RSF1: variants seen among roughly 807,000 people sequenced by gnomAD.
RSF1 encodes the protein HBV pX-associated protein 8.
A neutral mutation model predicts 145.2 loss-of-function variants in RSF1; 13 were observed. The observed-to-expected ratio is 0.09, with a 90% CI of 0.06 to 0.14. The LOEUF is 0.14. Ranked by LOEUF, RSF1 falls within the 10% of genes least tolerant of loss-of-function variation. The pLI, the probability that RSF1 is intolerant of heterozygous loss-of-function variation, is 1.00. For missense variants in RSF1, 1,517 were observed against 1,718.2 expected, an observed-to-expected ratio of 0.88 and a Z score of 2.07; for synonymous variants, 577 against 592.6, an observed-to-expected ratio of 0.97 and a Z score of 0.38.
the RSF1 span, among the ~76,000 whole-genome samples, chr11:77,840,115 C>T: frequency 0.011 from 1,732 of 152,198 alleles, 12 homozygotes; most frequent in Non-Finnish European, 0.017. Context: ...CACACACACA[C>T]ACACAACACC....
intron 5 of RSF1, among the ~76,000 whole-genome samples, chr11:77,707,493 A>C (rs1960577948): frequency 6.6e-6 from 1 of 152,234 alleles, no homozygotes; most frequent in Non-Finnish European, 1.5e-5. Context: ...AGACCATTTA[A>C]AATATAAGCT....
Position 77,740,841 on chromosome 11 carries a change from T to C in RSF1, c.468A>G (p.Arg156=). 1.2e-6 allele frequency: 2 copies of C among 1,614,110 alleles called. No individual in the cohort carries two copies. Among genetic ancestry groups the C allele is most frequent in the Non-Finnish European group, 8.5e-7 (1 of 1,179,936 alleles). ...ACCAGTACATGAGGCCATCTTTGTC[T>C]CGACCAATTGGCTGGAGACGCATAG... ...ADTMRLQPIG[R]DKDGLMYWYQ... The change falls in exon 4 of 16, where the codon CGA becomes CGG. Residue 156 remains arginine (R), a synonymous_variant. Coordinates refer to ENST00000308488, the MANE Select transcript of RSF1 (RefSeq NM_016578.4).
At chr11:77,847,461 C>T in the RSF1 span, among the ~76,000 whole-genome samples, 2 of 152,158 alleles carry the variant, frequency 1.3e-5, no homozygotes, top group East Asian at 1.9e-4. Context: ...TTTTGAACTG[C>T]ATGCACTCAT....
At chr11:77,675,012 C>A in intron 14 of RSF1, 24 bp downstream of exon 14, 1 of 1,540,956 alleles carries the variant, frequency 6.5e-7, no homozygotes, top group South Asian at 1.2e-5. Flanking sequence ...ATTGAGCTAC[C>A]ATATGGTTAC....
At chr11:77,857,816 C>T in the RSF1 span, among the ~76,000 whole-genome samples, 1 of 151,670 alleles carries the variant, frequency 6.6e-6, no homozygotes, top group Non-Finnish European at 1.5e-5. Context: ...CCTGCCTCAG[C>T]CTCCCAAGTA....
At chr11:77,767,601 T>G (rs1948238723) in intron 1 of RSF1, among the ~76,000 whole-genome samples, 1 of 152,230 alleles carries the variant, frequency 6.6e-6, no homozygotes, top group Non-Finnish European at 1.5e-5. Context: ...ATTACCTATG[T>G]GGGCTTTATT....
Position 77,800,144 on chromosome 11 carries a change from G to A in RSF1, c.187+20384C>T, listed in dbSNP as rs1263712102. On this transcript the variant is annotated intron_variant, in intron 1 of 15. Coordinates refer to ENST00000308488, the MANE Select transcript of RSF1 (RefSeq NM_016578.4). ...GCACTCCATCCAACCTGGGTGACGT[G>A]GCAAGACCCTATTCTCTAAAAATAA... 2.0e-5 allele frequency among the ~76,000 whole-genome samples: 3 copies of A among 151,988 alleles called. No individual in the cohort carries two copies. The East Asian group carries it at 5.8e-4, about 29-fold the overall frequency.
intron 5 of RSF1, among the ~76,000 whole-genome samples, 197 bp downstream of exon 5, chr11:77,725,348 T>A (rs1249944636): frequency 6.6e-6 from 1 of 152,226 alleles, no homozygotes; most frequent in African/African-American, 2.4e-5. Flanking sequence ...TATTTTTAAA[T>A]GTTCTACATA....
rs1477560530 is a variant in RSF1, at chr11:77,707,122, C to T, written c.734-4627G>A. Among the ~76,000 whole-genome samples the T allele has an allele frequency of 2.0e-5, 3 of 152,022 alleles. No homozygotes were observed. The East Asian group carries it at 5.8e-4, about 29-fold the overall frequency. On this transcript the variant is annotated intron_variant, in intron 5 of 15. Transcript: ENST00000308488. Reference sequence around the variant, plus strand: ...AGACTTCTATAGCAGCACTTACTGCCCAGAATTATAATTATTTATTTACAA... The same window carrying T: ...AGACTTCTATAGCAGCACTTACTGCTCAGAATTATAATTATTTATTTACAA...
chr11:77,709,299 T>A, intron 5 of RSF1, among the ~76,000 whole-genome samples: 1 of 152,232 alleles, frequency 6.6e-6, no homozygotes, highest in East Asian at 1.9e-4. Context: ...TACTATATAT[T>A]TTATTTACTA....
At chr11:77,755,992 G>GT (rs1430567563) in intron 2 of RSF1, among the ~76,000 whole-genome samples, 1 of 151,988 alleles carries the variant, frequency 6.6e-6, no homozygotes, top group East Asian at 1.9e-4. Context: ...ACATACAAAG[G>GT]TATTGTTTTT....
At chr11:77,688,440 G>C (rs1960066931) in intron 9 of RSF1, among the ~76,000 whole-genome samples, 1 of 152,128 alleles carries the variant, frequency 6.6e-6, no homozygotes, top group African/African-American at 2.4e-5. Context: ...GGAGGCAAAG[G>C]AAAAATCTAG....
In RSF1 at chr11:77,663,097, A is replaced by G. The variant is rs548501125; in HGVS notation, c.*3820T>C. On this transcript the variant is annotated 3_prime_UTR_variant, in exon 16 of 16. Transcript: ENST00000308488. ...AGTTGTTCTATAGCTGTGAGGCATC[A>G]CCTTGAATAACGGGCCTGTTCCACT... 36 of 152,310 alleles carry G rather than the reference A, an allele frequency of 2.4e-4. No homozygotes were observed. Among genetic ancestry groups the G allele is most frequent in the African/African-American group, 8.4e-4 (35 of 41,588 alleles). 9.4% of individuals were successfully genotyped at this position (152,310 alleles called of 1,614,324 possible). A position where few individuals can be genotyped will look rare whatever the true frequency, so the allele number is the denominator to read the frequency against.
At chr11:77,737,653 T>A (rs1418028332) in intron 4 of RSF1, among the ~76,000 whole-genome samples, 2 of 131,670 alleles carry the variant, frequency 1.5e-5, no homozygotes, top group Non-Finnish European at 3.4e-5. Context: ...TGTGTGTGTG[T>A]GTGTGTGTGT....
Position 77,793,923 on chromosome 11 carries a change from TA to T in RSF1, c.187+26604del, listed in dbSNP as rs368327969. Among the ~76,000 whole-genome samples, 558 of 149,922 alleles carry T rather than the reference TA, an allele frequency of 3.7e-3. 8 individuals carry two copies. Among genetic ancestry groups the T allele is most frequent in the African/African-American group, 0.013 (543 of 40,758 alleles). Reference sequence around the variant, plus strand: ...AACAACTTTAAGTCAAAAAAGGTAATAAAAAAAAAGATGATGAAGGTCATTA... The same window carrying T: ...AACAACTTTAAGTCAAAAAAGGTAATAAAAAAAAGATGATGAAGGTCATTA... On this transcript the variant is annotated intron_variant, in intron 1 of 15. Coordinates refer to ENST00000308488, the MANE Select transcript of RSF1 (RefSeq NM_016578.4).
intron 1 of RSF1, among the ~76,000 whole-genome samples, chr11:77,790,315 T>C (rs1466163742): frequency 2.0e-5 from 3 of 152,120 alleles, no homozygotes; most frequent in Admixed American, 1.3e-4. Flanking sequence ...TCAACTCTCA[T>C]GAGACTTAGT....
At chr11:77,715,911 A>C (rs1222614120) in intron 5 of RSF1, among the ~76,000 whole-genome samples, 1 of 152,206 alleles carries the variant, frequency 6.6e-6, no homozygotes, top group Non-Finnish European at 1.5e-5. Flanking sequence ...CTGGGACCAA[A>C]GGCGTGCAAC....
At chr11:77,712,016 C>T (rs1030764815) in intron 5 of RSF1, among the ~76,000 whole-genome samples, 1 of 152,122 alleles carries the variant, frequency 6.6e-6, no homozygotes, top group Non-Finnish European at 1.5e-5. Flanking sequence ...TGAGGTTATA[C>T]AATCTAATGT....
At chr11:77,794,425 G>A (rs752393841) in intron 1 of RSF1, among the ~76,000 whole-genome samples, 1 of 152,088 alleles carries the variant, frequency 6.6e-6, no homozygotes, top group African/African-American at 2.4e-5. Context: ...GCTCATGCCT[G>A]TAATCCCCGC....
Sources: allele counts gnomAD v4.1 joint callset (sites outside exome capture counted in the v4.1 genomes callset), GRCh38; gene constraint gnomAD v4.1.1; transcripts MANE v1.5; gene names NCBI Gene and HGNC (gene_info 2026-07-23, HGNC 2026-07-21).